The following VRK2 variants were observed in gnomAD, a reference collection of about 807,000 sequenced individuals.
The protein encoded by VRK2 is serine/threonine-protein kinase VRK2.
VRK2 carries 60 observed loss-of-function variants against 57.6 expected under a neutral mutation model. The observed-to-expected ratio is 1.04, with a 90% CI of 0.85 to 1.29. The LOEUF (loss-of-function observed/expected upper bound fraction) is 1.29, where lower values mean the gene tolerates loss of function less well. Ranked by LOEUF, VRK2 falls within the 50% of genes most tolerant of loss-of-function variation. The probability of loss-of-function intolerance (pLI) is 0.00; values close to 1 mark genes in which losing one functional copy is unlikely to be tolerated. For missense variants in VRK2, 705 were observed against 588.1 expected, an observed-to-expected ratio of 1.20 and a Z score of -2.06; for synonymous variants, 231 against 199.2, an observed-to-expected ratio of 1.16 and a Z score of -1.35.
intron 1 of VRK2, among the ~76,000 whole-genome samples, chr2:58,023,453 T>C (rs909807379): frequency 9.2e-5 from 14 of 152,202 alleles, no homozygotes; most frequent in Non-Finnish European, 1.8e-4. Context: ...TCTTGGCTTT[T>C]GTGAGTAATG....
intron 2 of VRK2, among the ~76,000 whole-genome samples, chr2:58,054,189 T>A (rs1252189407): frequency 6.6e-6 from 1 of 152,154 alleles, no homozygotes; most frequent in Non-Finnish European, 1.5e-5. Context: ...GACTTGGCTT[T>A]TGCTTGGCTT....
chr2:57,979,173 A>G (rs1672340455), intron 1 of VRK2, among the ~76,000 whole-genome samples: 1 of 151,130 alleles, frequency 6.6e-6, no homozygotes, highest in South Asian at 2.1e-4. Context: ...TCCTTTGGGT[A>G]TATACCCAGT....
Position 57,953,766 on chromosome 2 carries a change from G to GA in VRK2, c.-439+45936dup, listed in dbSNP as rs1275752235. 3.4e-5 allele frequency among the ~76,000 whole-genome samples: 5 copies of GA among 148,726 alleles called. 1 individual carries two copies. Among genetic ancestry groups the GA allele is most frequent in the Admixed American group, 2.0e-4 (3 of 14,956 alleles). On this transcript the variant is annotated intron_variant, in intron 1 of 15. Transcript: ENST00000417641. ...CTAAGATGCCCAGAATGAAGAGAGG[G>GA]AAAAAAAAAGTCCTTCGGACTCTAT...
At chr2:58,139,557 G>T (rs78492501) in intron 10 of VRK2, 109 bp from the exon 11 acceptor site, 12,260 of 906,534 alleles carry the variant, frequency 0.014, 111 homozygotes, top group Non-Finnish European at 0.015. Context: ...AGTTTCTTCA[G>T]GAGATGTAAA....
At chr2:58,156,367 G>A (rs904461855) in intron 12 of VRK2, among the ~76,000 whole-genome samples, 2 of 152,018 alleles carry the variant, frequency 1.3e-5, no homozygotes, top group Non-Finnish European at 2.9e-5. Context: ...CTTTGGGTTC[G>A]TAGAGCTGCT....
chr2:58,038,964 A>G (rs2312192), intron 3 of VRK2, among the ~76,000 whole-genome samples: 150,173 of 152,106 alleles, frequency 0.99, 74,135 homozygotes, highest in Middle Eastern at 1. Flanking sequence ...AATAAAAACG[A>G]TTAAATGATG....
At chr2:57,977,858 C>T (rs937726966) in intron 1 of VRK2, among the ~76,000 whole-genome samples, 1 of 151,134 alleles carries the variant, frequency 6.6e-6, no homozygotes, top group African/African-American at 2.5e-5. Context: ...GTAGGTTTGT[C>T]AGAGATGGCT....
At chr2:58,032,521 C>T (rs911855731) in intron 2 of VRK2, among the ~76,000 whole-genome samples, 1 of 152,032 alleles carries the variant, frequency 6.6e-6, no homozygotes, top group Admixed American at 6.6e-5. Flanking sequence ...CCAAAGGTCC[C>T]ACCTGCAAAT....
chr2:58,155,039 AG>A (rs1269721135), intron 12 of VRK2, among the ~76,000 whole-genome samples: 1 of 152,170 alleles, frequency 6.6e-6, no homozygotes, highest in East Asian at 1.9e-4. Context: ...TTTTATGGAT[AG>A]GATATGACGG....
intron 1 of VRK2, among the ~76,000 whole-genome samples, chr2:57,935,012 A>G (rs1670859722): frequency 6.6e-6 from 1 of 151,952 alleles, no homozygotes; most frequent in South Asian, 2.1e-4. Context: ...TGCTTTTTGT[A>G]CCTTGCTTAG....
chr2:58,121,129 C>G (rs1677445414), intron 7 of VRK2, among the ~76,000 whole-genome samples: 1 of 152,172 alleles, frequency 6.6e-6, no homozygotes, highest in African/African-American at 2.4e-5. Context: ...CACTAAACTT[C>G]AGTTTCCAGA....
At chr2:57,916,202 T>C (rs1670143110) in intron 1 of VRK2, among the ~76,000 whole-genome samples, 2 of 151,704 alleles carry the variant, frequency 1.3e-5, no homozygotes, top group Admixed American at 1.3e-4. Flanking sequence ...AGGTCAGGAG[T>C]TCGAGACCAG....
intron 8 of VRK2, among the ~76,000 whole-genome samples, chr2:58,124,040 T>C (rs555330716): frequency 3.1e-4 from 47 of 152,328 alleles, no homozygotes; most frequent in African/African-American, 1.1e-3. Context: ...ACTTTGATGG[T>C]ATTGGAAACA....
chr2:58,046,485 A>C (rs781486997), upstream of VRK2: 5 of 985,068 alleles, frequency 5.1e-6, no homozygotes, highest in African/African-American at 8.7e-5. Flanking sequence ...CAGGAGATCT[A>C]ACACTCCTAC....
At chr2:57,982,112 A>G (rs1172052928) in intron 1 of VRK2, among the ~76,000 whole-genome samples, 2 of 152,012 alleles carry the variant, frequency 1.3e-5, no homozygotes, top group African/African-American at 4.8e-5. Context: ...TATAAGTTGG[A>G]TTTAGTCAAT....
At position 58,159,628 on chromosome 2, in the gene VRK2, T is replaced by C. The variant is rs1684765962; in HGVS notation, c.1462T>C (p.Tyr488His). Residue 488 changes from tyrosine to histidine, a missense_variant, in exon 13 of 13, where the codon TAT (tyrosine) becomes CAT (histidine). Physicochemically the swap from Tyr to His is moderately conservative, Grantham distance 83 (BLOSUM62 2). Transcript: ENST00000340157. ...TAGTGAAGAGACAAACGCAGATGTT[T>C]ATTATTATCGCATCATCATACCTGT... ...TLSEETNADV[Y>H]YYRIIIPVLL... The C allele has an allele frequency of 6.2e-7, 1 of 1,613,720 alleles. No individual in the cohort carries two copies. The highest frequency in any genetic ancestry group is 1.7e-5 in the Admixed American group (1 of 59,976).
chr2:58,101,837 T>G lies in VRK2; in HGVS notation c.543+12114T>G, dbSNP rs1044191238. 1.3e-5 allele frequency among the ~76,000 whole-genome samples: 2 copies of G among 151,712 alleles called. 1 individual carries two copies. Among genetic ancestry groups the G allele is most frequent in the Admixed American group, 1.3e-4 (2 of 15,194 alleles). ...ATCTTATAAATAGGAAAACAGGGAT[T>G]GTGTTTATTTCAACTTATATTTCCA... On this transcript the variant is annotated intron_variant, in intron 7 of 12. Transcript: ENST00000340157.
At chr2:57,930,249 A>T (rs1196975130) in intron 1 of VRK2, among the ~76,000 whole-genome samples, 1 of 152,150 alleles carries the variant, frequency 6.6e-6, no homozygotes, top group Non-Finnish European at 1.5e-5. Flanking sequence ...AACTATTGTG[A>T]TGGGCAATTC....
At chr2:57,925,466 AT>A (rs1217184033) in intron 1 of VRK2, among the ~76,000 whole-genome samples, 2 of 151,904 alleles carry the variant, frequency 1.3e-5, no homozygotes, top group African/African-American at 2.4e-5. Context: ...TTTCTTCTGG[AT>A]TTTCCAATTT....
Sources: allele counts gnomAD v4.1 joint callset (sites outside exome capture counted in the v4.1 genomes callset), GRCh38; gene constraint gnomAD v4.1.1; transcripts MANE v1.5; gene names NCBI Gene and HGNC (gene_info 2026-07-23, HGNC 2026-07-21).